The following H2BW1 variants were observed in gnomAD, a reference collection of about 807,000 sequenced individuals.
H2BW1 encodes the protein histone H2B type W-T.
A neutral mutation model predicts 8.0 loss-of-function variants in H2BW1; 9 were observed. That is an observed-to-expected ratio of 1.13 (90% CI 0.68 to 1.97). H2BW1 has a LOEUF of 1.97. H2BW1 is among the 30% of genes most tolerant of loss of function. The probability of loss-of-function intolerance (pLI) is 0.00; values close to 1 mark genes in which losing one functional copy is unlikely to be tolerated. For missense variants in H2BW1, 137 were observed against 132.0 expected (o/e 1.04, Z -0.19); for synonymous variants, 58 against 54.7 (o/e 1.06, Z -0.26).
Position 104,013,157 on chromosome X carries a change from G to A in H2BW1, c.407+13C>T, listed in dbSNP as rs2075130915. The A allele has an allele frequency of 2.5e-6, 3 of 1,191,609 alleles. No individual in the cohort carries two copies. The highest frequency in any genetic ancestry group is 4.7e-4 in the Middle Eastern group (2 of 4,225). On this transcript the variant is annotated intron_variant, in intron 1 of 2. Transcript: ENST00000217926. ...CGGGTGCTCCTGAGGGAGCGCACTT[G>A]CTCCTGGTGTACCTGAGGACAGCCT...
intron 2 of H2BW1, among the ~76,000 whole-genome samples, chrX:104,011,952 T>C (rs1332401171): frequency 9.0e-6 from 1 of 111,543 alleles, no homozygotes; most frequent in African/African-American, 3.3e-5. Context: ...CTCGGGCGGC[T>C]GGAGATCCTC....
rs781840447 is a variant in H2BW1, at chrX:104,013,687, G to A, written c.-111C>T. 2.5e-6 allele frequency: 3 copies of A among 1,182,519 alleles called. No homozygotes were observed. Among genetic ancestry groups the A allele is most frequent in the Non-Finnish European group, 3.4e-6 (3 of 880,058 alleles). ...GCTCCACGTCTCGGGCCAGCTTCAC[G>A]TCTGATTGGATGAAGTGTCACGCAG... is the stretch of plus-strand genomic sequence containing the variant. On this transcript the variant is annotated 5_prime_UTR_variant, in exon 1 of 3. In the 5' UTR this introduces an upstream ATG that the reference lacks. Transcript: ENST00000217926.
Position 104,013,152 on chromosome X carries a change from C to T in H2BW1, c.407+18G>A, listed in dbSNP as rs1556337658. The stretch of plus-strand genomic sequence containing the variant: ...GTGCTCGGGTGCTCCTGAGGGAGCG[C>T]ACTTGCTCCTGGTGTACCTGAGGAC... On this transcript the variant is annotated intron_variant, in intron 1 of 2. Transcript: ENST00000217926. The T allele has an allele frequency of 3.4e-6, 4 of 1,187,865 alleles. No individual in the cohort carries two copies. Among genetic ancestry groups the T allele is most frequent in the Non-Finnish European group, 4.5e-6 (4 of 883,264 alleles).
At chrX:104,013,132 C>T (rs1204133759) in intron 1 of H2BW1, 38 bp downstream of exon 1, 5 of 1,171,325 alleles carry the variant, frequency 4.3e-6, no homozygotes, top group African/African-American at 1.8e-5. Flanking sequence ...CCGTGGTGCT[C>T]GGGTGCTCCT....
rs375597621 is a variant in H2BW1 at position 104,013,363 on chromosome X, G to A, written c.214C>T (p.Arg72Trp). Reference protein sequence around the residue: ...KQVHQGLSLSREAVSVMDSLV... With the variant: ...KQVHQGLSLSWEAVSVMDSLV... ...GAATCCATGACACTCACGGCCTCCCGGGAAAGGCTGAGGCCCTGGTGAACC... is the reference window on the plus strand; with the variant it reads ...GAATCCATGACACTCACGGCCTCCCAGGAAAGGCTGAGGCCCTGGTGAACC... The change falls in exon 1 of 3, where the codon CGG becomes TGG. Residue 72 changes from arginine to tryptophan, a missense_variant. By Grantham distance (101) the Arg-to-Trp change is moderately radical. Transcript: ENST00000217926. 12 of 1,210,821 alleles carry A rather than the reference G, an allele frequency of 9.9e-6. No homozygotes were observed. In the African/African-American group the frequency reaches 1.4e-4, roughly 14 times the overall value.
At chrX:104,012,567 G>T in intron 2 of H2BW1, 123 bp downstream of exon 2, 2 of 1,045,393 alleles carry the variant, frequency 1.9e-6, no homozygotes, top group South Asian at 4.8e-5. Context: ...AGTCGAGGAA[G>T]CTGGAAAATG....
chrX:104,013,694 T>C lies in H2BW1; in HGVS notation c.-118A>G. The C allele has an allele frequency of 8.5e-7, 1 of 1,178,605 alleles. No individual in the cohort carries two copies. Among genetic ancestry groups the C allele is most frequent in the Middle Eastern group, 2.3e-4 (1 of 4,312 alleles). On this transcript the variant is annotated 5_prime_UTR_variant, in exon 1 of 3. Transcript: ENST00000217926. ...GTCTCGGGCCAGCTTCACGTCTGAT[T>C]GGATGAAGTGTCACGCAGGGAGCCT...
rs782463032 is a variant in H2BW1 at position 104,013,166 on chromosome X, G to C, written c.407+4C>G. 2.5e-6 allele frequency: 3 copies of C among 1,198,406 alleles called. No individual in the cohort carries two copies. Among genetic ancestry groups the C allele is most frequent in the Non-Finnish European group, 3.4e-6 (3 of 888,174 alleles). ...CTGAGGGAGCGCACTTGCTCCTGGTGTACCTGAGGACAGCCTTCGTGCCTT... is the reference window on the plus strand; with the variant it reads ...CTGAGGGAGCGCACTTGCTCCTGGTCTACCTGAGGACAGCCTTCGTGCCTT... On this transcript the variant is annotated splice_donor_region_variant and intron_variant, in intron 1 of 2. Coordinates refer to ENST00000217926, the MANE Select transcript of H2BW1 (RefSeq NM_001002916.5).
chrX:104,011,674 G>A (rs1278995070), intron 2 of H2BW1, among the ~76,000 whole-genome samples: 1 of 111,723 alleles, frequency 9.0e-6, no homozygotes, highest in Non-Finnish European at 1.9e-5. Flanking sequence ...ATGTGGCTAT[G>A]TGTTGGGCCA....
chrX:104,012,399 A>G (rs1404007659), intron 2 of H2BW1, among the ~76,000 whole-genome samples: 1 of 112,372 alleles, frequency 8.9e-6, no homozygotes, highest in Non-Finnish European at 1.9e-5. Flanking sequence ...CAAGTCACTC[A>G]TTGGCTACAC....
Position 104,013,623 on chromosome X carries a change from G to A in H2BW1, c.-47C>T. 8.3e-7 allele frequency: 1 copy of A among 1,208,777 alleles called. No individual in the cohort carries two copies. Among genetic ancestry groups the A allele is most frequent in the Non-Finnish European group, 1.1e-6 (1 of 893,843 alleles). On this transcript the variant is annotated 5_prime_UTR_variant, in exon 1 of 3. Transcript: ENST00000217926. ...ATGGCACGACCAGACAATGGCGGTT[G>A]TGGACCGGGGAAGCCGGGGCACTTC... is the stretch of plus-strand genomic sequence containing the variant.
At chrX:104,011,949 G>A (rs782493178) in intron 2 of H2BW1, among the ~76,000 whole-genome samples, 6 of 111,494 alleles carry the variant, frequency 5.4e-5, no homozygotes, top group East Asian at 2.8e-4. Context: ...ATACTCGGGC[G>A]GCTGGAGATC....
Position 104,013,303 on chromosome X carries a change from C to T in H2BW1, c.274G>A (p.Glu92Lys), listed in dbSNP as rs367978385. The change falls in exon 1 of 3, where the codon GAG (glutamate) becomes AAG (lysine). Residue 92 changes from glutamate (E) to lysine (K), a missense_variant. By Grantham distance (56) the Glu-to-Lys change is moderately conservative (BLOSUM62 1). Transcript: ENST00000217926. ...GTGGAGCGGGCCAGGTGACCAGCCT[C>T]GGTGGCGATGCGGTCCAATATGTCA... ...VHDILDRIAT[E>K]AGHLARSTKR... 6 of 1,210,509 alleles carry T rather than the reference C, an allele frequency of 5.0e-6. No homozygotes were observed. The highest frequency in any genetic ancestry group is 1.7e-5 in the African/African-American group (1 of 57,344).
In H2BW1 at chrX:104,012,683, G is replaced by A; in HGVS notation, c.*22+7C>T. On this transcript the variant is annotated splice_region_variant and intron_variant, in intron 2 of 2. Coordinates refer to ENST00000217926, the MANE Select transcript of H2BW1 (RefSeq NM_001002916.5). Reference sequence around the variant, plus strand: ...GGAGCGGTGTTGAAAACATTTAGGAGGGTTACCTTGCTTCTTGTATCAGCG... The same window carrying A: ...GGAGCGGTGTTGAAAACATTTAGGAAGGTTACCTTGCTTCTTGTATCAGCG... 1 of 1,211,413 alleles carries A rather than the reference G, an allele frequency of 8.3e-7. No homozygotes were observed. Among genetic ancestry groups the A allele is most frequent in the Non-Finnish European group, 1.1e-6 (1 of 895,399 alleles).
chrX:104,013,650 G>T lies in H2BW1; in HGVS notation c.-74C>A, dbSNP rs1556337918. 8.3e-7 allele frequency: 1 copy of T among 1,201,890 alleles called. No individual in the cohort carries two copies. Among genetic ancestry groups the T allele is most frequent in the Middle Eastern group, 2.3e-4 (1 of 4,332 alleles). On this transcript the variant is annotated 5_prime_UTR_variant, in exon 1 of 3. Transcript: ENST00000217926. ...GGACCGGGGAAGCCGGGGCACTTCG[G>T]TACGCAGCATGGCTCCACGTCTCGG...
At chrX:104,013,057 C>T (rs1199336032) in intron 1 of H2BW1, 113 bp downstream of exon 1, 19 of 1,044,642 alleles carry the variant, frequency 1.8e-5, no homozygotes, top group Admixed American at 6.0e-5. Context: ...CCGGTGGTGT[C>T]CCCCTTGGCG....
At position 104,013,613 on chromosome X, in the gene H2BW1, A is replaced by G; in HGVS notation, c.-37T>C. 1 of 1,210,434 alleles carries G rather than the reference A, an allele frequency of 8.3e-7. No homozygotes were observed. Reference sequence around the variant, plus strand: ...TGGCCATTAGATGGCACGACCAGACAATGGCGGTTGTGGACCGGGGAAGCC... The same window carrying G: ...TGGCCATTAGATGGCACGACCAGACGATGGCGGTTGTGGACCGGGGAAGCC... On this transcript the variant is annotated 5_prime_UTR_variant, in exon 1 of 3. Transcript: ENST00000217926.
chrX:104,012,172 A>G (rs782272850), intron 2 of H2BW1, among the ~76,000 whole-genome samples: 2 of 112,573 alleles, frequency 1.8e-5, no homozygotes, highest in South Asian at 7.4e-4. Context: ...CATCCTCTGC[A>G]TAACTTGATG....
Position 104,013,582 on chromosome X carries a change from A to G in H2BW1, c.-6T>C. 8.3e-7 allele frequency: 1 copy of G among 1,211,379 alleles called. No individual in the cohort carries two copies. The highest frequency in any genetic ancestry group is 1.1e-6 in the Non-Finnish European group (1 of 895,376). ...TCAGAGGAAGGTCCAGCCATGGCGG[A>G]GGCAGTGGCCATTAGATGGCACGAC... On this transcript the variant is annotated 5_prime_UTR_variant, in exon 1 of 3. Transcript: ENST00000217926.
Sources: gnomAD v4.1 joint callset for allele counts (sites outside exome capture counted in the v4.1 genomes callset) on GRCh38, gnomAD v4.1.1 for gene constraint, MANE v1.5 for transcripts, NCBI Gene and HGNC (gene_info 2026-07-23, HGNC 2026-07-21) for gene names.